Variants in PAPPA observed in about 807,000 individuals in gnomAD.
PAPPA encodes pappalysin-1.
PAPPA carries 60 observed loss-of-function variants against 164.0 expected under a neutral mutation model. That is an observed-to-expected ratio of 0.37 (90% confidence interval 0.30 to 0.45). The LOEUF (loss-of-function observed/expected upper bound fraction) is 0.45, where lower values mean the gene tolerates loss of function less well. Ranked by LOEUF, PAPPA falls within the 20% of genes least tolerant of loss-of-function variation. The pLI, the probability that PAPPA is intolerant of heterozygous loss-of-function variation, is 1.00. For missense variants in PAPPA, 1,782 were observed against 2,087.3 expected, an observed-to-expected ratio of 0.85 and a Z score of 2.85; for synonymous variants, 875 against 814.1, an observed-to-expected ratio of 1.07 and a Z score of -1.27.
intron 13 of PAPPA, among the ~76,000 whole-genome samples, chr9:116,342,925 A>C (rs1184160919): frequency 6.6e-6 from 1 of 152,202 alleles, no homozygotes; most frequent in East Asian, 1.9e-4. Flanking sequence ...CATCATCACC[A>C]TTGGTTTCCT....
intron 19 of PAPPA, among the ~76,000 whole-genome samples, chr9:116,376,587 G>T (rs771440684): frequency 9.9e-5 from 15 of 152,100 alleles, no homozygotes; most frequent in Non-Finnish European, 1.9e-4. Context: ...ATAAGATAAT[G>T]CATACAGTAA....
intron 21 of PAPPA, among the ~76,000 whole-genome samples, chr9:116,385,719 T>G (rs1364499700): frequency 6.6e-6 from 1 of 152,250 alleles, no homozygotes; most frequent in African/African-American, 2.4e-5. Flanking sequence ...TTTAAATTCT[T>G]GTTTCTTCTT....
intron 1 of PAPPA, among the ~76,000 whole-genome samples, chr9:116,166,855 T>G (rs1415433063): frequency 1.3e-5 from 2 of 152,132 alleles, no homozygotes; most frequent in Non-Finnish European, 2.9e-5. Context: ...ACTCTGTAAA[T>G]GTACCATGAG....
chr9:116,252,187 C>T (rs944851344), intron 7 of PAPPA, among the ~76,000 whole-genome samples: 3 of 152,162 alleles, frequency 2.0e-5, no homozygotes, highest in African/African-American at 7.2e-5. Context: ...TACACAATTG[C>T]TCCTTTCAGA....
intron 1 of PAPPA, among the ~76,000 whole-genome samples, chr9:116,175,868 A>G (rs566383151): frequency 4.1e-4 from 63 of 152,312 alleles, no homozygotes; most frequent in African/African-American, 1.5e-3. Flanking sequence ...AAATTAGATC[A>G]ACAACTAAAC....
chr9:116,158,879 G>T (rs1486695651), intron 1 of PAPPA, among the ~76,000 whole-genome samples: 6 of 152,176 alleles, frequency 3.9e-5, no homozygotes, highest in Non-Finnish European at 8.8e-5. Context: ...AGTCCCACAG[G>T]TTCTCAGTGG....
intron 5 of PAPPA, among the ~76,000 whole-genome samples, chr9:116,222,621 C>T (rs977855523): frequency 4.0e-5 from 6 of 151,726 alleles, no homozygotes; most frequent in South Asian, 4.2e-4. Flanking sequence ...CATGATCTCA[C>T]GTATATGTGG....
At chr9:116,285,983 T>C (rs1845333877) in intron 9 of PAPPA, 1 of 152,142 alleles carries the variant, frequency 6.6e-6, no homozygotes, top group Admixed American at 6.5e-5. Context: ...GGGTGGTGGT[T>C]TCATGCTCAG....
chr9:116,275,119 C>G (rs574817950), intron 9 of PAPPA, among the ~76,000 whole-genome samples: 1 of 152,174 alleles, frequency 6.6e-6, no homozygotes, highest in Non-Finnish European at 1.5e-5. Context: ...GTGTTCCATA[C>G]GTAACCAATA....
At chr9:116,232,388 G>A (rs569493444) in intron 6 of PAPPA, among the ~76,000 whole-genome samples, 1 of 152,116 alleles carries the variant, frequency 6.6e-6, no homozygotes, top group Non-Finnish European at 1.5e-5. Context: ...CATCCTATTT[G>A]AGGTTTACAG....
At chr9:116,289,815 A>G (rs532629304) in intron 9 of PAPPA, among the ~76,000 whole-genome samples, 94 of 152,348 alleles carry the variant, frequency 6.2e-4, no homozygotes, top group South Asian at 1.9e-3. Flanking sequence ...AGAGAATACA[A>G]TTATCAAGCA....
At chr9:116,314,373 C>T (rs907990055) in intron 10 of PAPPA, among the ~76,000 whole-genome samples, 1 of 151,952 alleles carries the variant, frequency 6.6e-6, no homozygotes, top group South Asian at 2.1e-4. Context: ...CCGGTCTCTC[C>T]AGAGATTTTT....
At chr9:116,201,453 G>A (rs1173067410) in intron 2 of PAPPA, among the ~76,000 whole-genome samples, 1 of 152,186 alleles carries the variant, frequency 6.6e-6, no homozygotes, top group Non-Finnish European at 1.5e-5. Context: ...CTCCTGTGAA[G>A]AAGGTAAACA....
chr9:116,190,376 C>G lies in PAPPA; in HGVS notation c.1478+2160C>G, dbSNP rs558377162. On this transcript the variant is annotated intron_variant, in intron 2 of 21. Transcript: ENST00000328252. ...TCATGCAACAAATGTTTATGCAGCA[C>G]CTGCCAAGTGCCAGGAAAGTGGATA... Among the ~76,000 whole-genome samples the G allele has an allele frequency of 7.9e-5, 12 of 152,290 alleles. No individual in the cohort carries two copies. In the East Asian group the frequency reaches 1.5e-3, roughly 20 times the overall value.
chr9:116,272,526 T>A (rs1311063902), intron 9 of PAPPA, among the ~76,000 whole-genome samples: 1 of 152,218 alleles, frequency 6.6e-6, no homozygotes, highest in South Asian at 2.1e-4. Context: ...ATATACCATG[T>A]GTCTCTTATT....
intron 19 of PAPPA, among the ~76,000 whole-genome samples, chr9:116,371,563 A>G (rs1166727002): frequency 6.6e-6 from 1 of 152,154 alleles, no homozygotes; most frequent in Non-Finnish European, 1.5e-5. Flanking sequence ...AACTTTACAG[A>G]TACTGTTGAA....
chr9:116,320,656 G>T (rs966630200), intron 10 of PAPPA, among the ~76,000 whole-genome samples: 2 of 151,990 alleles, frequency 1.3e-5, no homozygotes, highest in Non-Finnish European at 2.9e-5. Context: ...AGTGATAATT[G>T]TTTCTAATGG....
At chr9:116,336,396 T>C (rs1846062720) in intron 13 of PAPPA, among the ~76,000 whole-genome samples, 1 of 152,242 alleles carries the variant, frequency 6.6e-6, no homozygotes, top group African/African-American at 2.4e-5. Context: ...CAAGAGCTTC[T>C]TAAATATAAT....
chr9:116,261,326 G>A (rs1174741750), intron 7 of PAPPA, among the ~76,000 whole-genome samples: 6 of 152,150 alleles, frequency 3.9e-5, no homozygotes, highest in Admixed American at 2.0e-4. Flanking sequence ...GAAACAATAG[G>A]ATCAATAATG....
Sources: allele counts gnomAD v4.1 joint callset (sites outside exome capture counted in the v4.1 genomes callset), GRCh38; gene constraint gnomAD v4.1.1; transcripts MANE v1.5; gene names NCBI Gene and HGNC (gene_info 2026-07-23, HGNC 2026-07-21).